Variants in FMN1 observed in about 807,000 individuals in gnomAD.
FMN1 encodes formin 1.
In FMN1, 110 loss-of-function variants were observed where a neutral mutation model predicts 132.4. The observed-to-expected ratio is 0.83, with a 90% CI of 0.71 to 0.97. The LOEUF (loss-of-function observed/expected upper bound fraction) is 0.97. Ranked by LOEUF, FMN1 falls within the 50% of genes least tolerant of loss-of-function variation. FMN1 has a pLI of 0.00. For synonymous variants in FMN1, 722 were observed against 651.7 expected (o/e 1.11, Z -1.64); for missense variants, 1,792 against 1,705.3 (o/e 1.05, Z -0.90).
At chr15:33,121,170 C>CAACAACAAAAAATT (rs1302226319) in intron 4 of FMN1, among the ~76,000 whole-genome samples, 1 of 151,824 alleles carries the variant, frequency 6.6e-6, no homozygotes, top group Non-Finnish European at 1.5e-5. Flanking sequence ...CTTAGATCAA[C>CAACAACAAAAAATT]AACAACAAAA....
chr15:32,842,560 G>A (rs2058767331), intron 17 of FMN1, among the ~76,000 whole-genome samples: 2 of 152,158 alleles, frequency 1.3e-5, no homozygotes, highest in South Asian at 4.1e-4. Flanking sequence ...CAGAGGCAAA[G>A]ACTGTGTTCC....
chr15:33,190,132 G>T (rs1489769450), intron 2 of FMN1, among the ~76,000 whole-genome samples: 2 of 152,142 alleles, frequency 1.3e-5, no homozygotes, highest in African/African-American at 4.8e-5. Context: ...AAACACTGTG[G>T]CAGCAATTCT....
chr15:33,117,403 T>C (rs185688015), intron 4 of FMN1, among the ~76,000 whole-genome samples: 3 of 152,308 alleles, frequency 2.0e-5, no homozygotes, highest in Non-Finnish European at 2.9e-5. Flanking sequence ...TTCTGAGAAA[T>C]ACACAGGGGC....
At chr15:32,922,236 A>G (rs1213443867) in intron 10 of FMN1, among the ~76,000 whole-genome samples, 1 of 152,200 alleles carries the variant, frequency 6.6e-6, no homozygotes, top group Non-Finnish European at 1.5e-5. Context: ...GGAAGGAAAG[A>G]AGGCAGGCAA....
intron 4 of FMN1, among the ~76,000 whole-genome samples, chr15:33,103,787 A>C (rs1477721509): frequency 6.6e-6 from 1 of 152,092 alleles, no homozygotes; most frequent in African/African-American, 2.4e-5. Flanking sequence ...TACACCTTGA[A>C]TTTATTTGGT....
intron 10 of FMN1, among the ~76,000 whole-genome samples, chr15:32,924,698 T>C (rs1363351909): frequency 6.6e-6 from 1 of 152,234 alleles, no homozygotes; most frequent in Non-Finnish European, 1.5e-5. Flanking sequence ...GGCGGGTGGA[T>C]GATCTGAGGT....
chr15:32,774,939 A>G (rs72717632), intron 20 of FMN1, among the ~76,000 whole-genome samples: 3,316 of 152,220 alleles, frequency 0.022, 52 homozygotes, highest in Middle Eastern at 0.051. Flanking sequence ...ATCTGCTGGG[A>G]AGACGTAAGA....
At chr15:33,104,784 T>A (rs138274329) in intron 4 of FMN1, among the ~76,000 whole-genome samples, 1 of 152,176 alleles carries the variant, frequency 6.6e-6, no homozygotes, top group East Asian at 1.9e-4. Context: ...GATATAAATT[T>A]GTAAAGGTAT....
chr15:32,984,839 T>C (rs2140803869), intron 7 of FMN1, among the ~76,000 whole-genome samples: 1 of 152,208 alleles, frequency 6.6e-6, no homozygotes, highest in African/African-American at 2.4e-5. Context: ...GGAAATCACT[T>C]GTGTACAAGA....
chr15:33,107,050 T>C (rs1249650230), intron 4 of FMN1, among the ~76,000 whole-genome samples: 2 of 152,030 alleles, frequency 1.3e-5, no homozygotes, highest in Non-Finnish European at 2.9e-5. Flanking sequence ...AAACTCTTTA[T>C]TTTCCTTCTA....
At chr15:32,834,927 A>T (rs2058588031) in intron 17 of FMN1, among the ~76,000 whole-genome samples, 1 of 152,222 alleles carries the variant, frequency 6.6e-6, no homozygotes, top group African/African-American at 2.4e-5. Context: ...TGATAACATT[A>T]TGACACCAAA....
At chr15:32,835,300 A>AT (rs1235092513) in intron 17 of FMN1, among the ~76,000 whole-genome samples, 2 of 152,126 alleles carry the variant, frequency 1.3e-5, no homozygotes, top group African/African-American at 2.4e-5. Context: ...TTATTTTATT[A>AT]TTTTTTCTAA....
chr15:32,849,556 C>G (rs570618471), intron 17 of FMN1, among the ~76,000 whole-genome samples: 1 of 149,166 alleles, frequency 6.7e-6, no homozygotes, highest in Admixed American at 6.8e-5. Context: ...AAACCGACTT[C>G]GGGGGAAAAC....
chr15:33,012,249 T>G (rs2034770794), intron 6 of FMN1: 4 of 704,430 alleles, frequency 5.7e-6, no homozygotes, highest in Non-Finnish European at 7.8e-6. Flanking sequence ...TCAAGAACTG[T>G]GTGGTAATGA....
intron 6 of FMN1, among the ~76,000 whole-genome samples, chr15:33,013,708 G>C (rs564221453): frequency 1.3e-5 from 2 of 152,272 alleles, no homozygotes; most frequent in South Asian, 2.1e-4. Context: ...AAGTGACTTA[G>C]TAAGTTTAAA....
intron 7 of FMN1, among the ~76,000 whole-genome samples, chr15:32,977,221 G>A (rs1009579952): frequency 1.3e-5 from 2 of 152,120 alleles, no homozygotes; most frequent in African/African-American, 4.8e-5. Flanking sequence ...GATGAAGAAA[G>A]AGAAGCAATG....
chr15:32,908,602 C>CAAAAAA, intron 11 of FMN1, 24 bp from the exon 12 acceptor site: 1 of 679,774 alleles, frequency 1.5e-6, no homozygotes, highest in Non-Finnish European at 2.0e-6. Flanking sequence ...GAAAACAAAA[C>CAAAAAA]CAAAAAAAAA....
chr15:33,126,164 G>A (rs950693602), intron 4 of FMN1, among the ~76,000 whole-genome samples: 1 of 152,100 alleles, frequency 6.6e-6, no homozygotes, highest in Non-Finnish European at 1.5e-5. Context: ...CCGGTCATGA[G>A]GAGCATACAT....
intron 17 of FMN1, among the ~76,000 whole-genome samples, chr15:32,853,991 C>G (rs190871227): frequency 6.6e-6 from 1 of 152,286 alleles, no homozygotes; most frequent in African/African-American, 2.4e-5. Context: ...AGAATGTGAA[C>G]CACTAATACA....
Sources: allele counts gnomAD v4.1 joint callset (sites outside exome capture counted in the v4.1 genomes callset), GRCh38; gene constraint gnomAD v4.1.1; transcripts MANE v1.5; gene names NCBI Gene and HGNC (gene_info 2026-07-23, HGNC 2026-07-21).